The following GARRE1 variants were observed in gnomAD, a reference collection of about 807,000 sequenced individuals.
GARRE1 encodes granule associated Rac and RHOG effector 1.
A neutral mutation model predicts 103.2 loss-of-function variants in GARRE1; 49 were observed. The observed-to-expected ratio is 0.47, with a 90% CI of 0.38 to 0.60. GARRE1 has a LOEUF of 0.60. GARRE1 is among the 20% of genes least tolerant of loss of function. GARRE1 has a pLI of 0.00. For missense variants in GARRE1, 1,199 were observed against 1,370.5 expected (o/e 0.87, Z 1.98); for synonymous variants, 505 against 532.8 (o/e 0.95, Z 0.72).
chr19:34,335,060 C>A (rs549671996), intron 8 of GARRE1, among the ~76,000 whole-genome samples: 70 of 151,142 alleles, frequency 4.6e-4, no homozygotes, highest in South Asian at 3.5e-3. Flanking sequence ...AAAAAAAAAA[C>A]CGTTATGATG....
chr19:34,294,672 T>C (rs1260542347), intron 1 of GARRE1, among the ~76,000 whole-genome samples: 1 of 152,168 alleles, frequency 6.6e-6, no homozygotes, highest in Non-Finnish European at 1.5e-5. Context: ...TTTCTTTGCA[T>C]ATCTTCCAAT....
intron 2 of GARRE1, among the ~76,000 whole-genome samples, chr19:34,307,463 T>C (rs1203116262): frequency 6.6e-6 from 1 of 151,622 alleles, no homozygotes; most frequent in African/African-American, 2.4e-5. Flanking sequence ...AGCATTTTTA[T>C]TGACTTTTCA....
intron 3 of GARRE1, among the ~76,000 whole-genome samples, chr19:34,324,259 C>CT (rs891369868): frequency 6.6e-6 from 1 of 152,168 alleles, no homozygotes; most frequent in Admixed American, 6.5e-5. Context: ...AGTTGTCTAC[C>CT]TTTTTTTCAC....
intron 1 of GARRE1, 133 bp downstream of exon 1, chr19:34,254,747 G>A (rs2073659694): frequency 6.8e-6 from 1 of 148,082 alleles, no homozygotes; most frequent in Admixed American, 6.7e-5. Flanking sequence ...CTCCGCTCGG[G>A]GCCGCAGGGC....
chr19:34,278,444 C>CAAAAAAAAAAAAAAAAA (rs71165640), intron 1 of GARRE1, among the ~76,000 whole-genome samples: 1 of 57,102 alleles, frequency 1.8e-5, no homozygotes, highest in African/African-American at 6.8e-5. Context: ...GACTCCATCT[C>CAAAAAAAAAAAAAAAAA]AAAAAAAAAA....
chr19:34,337,197 A>G (rs565952728), intron 8 of GARRE1, among the ~76,000 whole-genome samples: 1 of 152,154 alleles, frequency 6.6e-6, no homozygotes, highest in South Asian at 2.1e-4. Flanking sequence ...CTGAACACTT[A>G]CTGTGTACCA....
chr19:34,352,588 G>A, intron 13 of GARRE1, 59 bp from the exon 14 acceptor site: 1 of 1,411,382 alleles, frequency 7.1e-7, no homozygotes, highest in Non-Finnish European at 9.9e-7. Flanking sequence ...CATCTGGGGA[G>A]GTGGGAAATG....
At chr19:34,263,744 C>T (rs948417759) in intron 1 of GARRE1, among the ~76,000 whole-genome samples, 1 of 152,194 alleles carries the variant, frequency 6.6e-6, no homozygotes, top group African/African-American at 2.4e-5. Flanking sequence ...ACCTCGGCCT[C>T]CCAAAGTGCT....
chr19:34,311,652 CCAGGCTGGAGTA>C (rs1243007969), intron 2 of GARRE1, among the ~76,000 whole-genome samples: 4 of 152,138 alleles, frequency 2.6e-5, no homozygotes, highest in Non-Finnish European at 5.9e-5. Context: ...CTCTTGTTGT[CCAGGCTGGAGTA>C]CAGTGGTGCG....
intron 8 of GARRE1, among the ~76,000 whole-genome samples, chr19:34,338,208 A>G (rs758853969): frequency 2.0e-5 from 3 of 152,184 alleles, no homozygotes; most frequent in Non-Finnish European, 2.9e-5. Context: ...TCTTCCTAGT[A>G]GACCTATGCT....
Position 34,255,172 on chromosome 19 carries a change from T to G in GARRE1, c.-796+558T>G, listed in dbSNP as rs953898995. Among the ~76,000 whole-genome samples the G allele has an allele frequency of 6.4e-5, 4 of 62,424 alleles. No individual in the cohort carries two copies. The Admixed American group carries it at 7.2e-4, about 11-fold the overall frequency. The allele number at this position is 62,424 out of a possible 152,430, so 41.0% of individuals were successfully genotyped here. A position where few individuals can be genotyped will look rare whatever the true frequency, so the allele number is the denominator to read the frequency against. On this transcript the variant is annotated intron_variant, in intron 1 of 13. Transcript: ENST00000299505. Reference sequence around the variant, plus strand: ...CGGCCCTGCGGAGCCAGCTGGCGCATTGGGCCCGAGGGGAGGGTCCGCGGG... The same window carrying G: ...CGGCCCTGCGGAGCCAGCTGGCGCAGTGGGCCCGAGGGGAGGGTCCGCGGG...
rs759244535 is a variant in GARRE1, at chr19:34,262,538, C to T, written c.-796+7924C>T. Among the ~76,000 whole-genome samples the T allele has an allele frequency of 1.3e-3, 201 of 152,048 alleles. 1 individual carries two copies. The highest frequency in any genetic ancestry group is 4.4e-4 in the Non-Finnish European group (30 of 67,980). ...CTGGAACTCCTGACCTCAGGTGATC[C>T]GCCTGCCTTGGCCTCCCAAGGTGCT... On this transcript the variant is annotated intron_variant, in intron 1 of 13. Transcript: ENST00000299505.
At chr19:34,347,793 T>C in intron 10 of GARRE1, 84 bp from the exon 11 acceptor site, 1 of 1,290,090 alleles carries the variant, frequency 7.8e-7, no homozygotes. Flanking sequence ...ATTGCATGTG[T>C]GACCAGCACG....
chr19:34,272,641 A>G (rs1236862842), intron 1 of GARRE1, among the ~76,000 whole-genome samples: 1 of 152,182 alleles, frequency 6.6e-6, no homozygotes. Context: ...GTCACTTTTC[A>G]TTGCTCCAGC....
intron 9 of GARRE1, among the ~76,000 whole-genome samples, chr19:34,340,404 G>C (rs556132457): frequency 6.7e-6 from 1 of 148,666 alleles, no homozygotes; most frequent in Admixed American, 6.9e-5. Flanking sequence ...ACATCTGGTA[G>C]TGGCCTTAAA....
At chr19:34,281,465 AT>A (rs1032227146) in intron 1 of GARRE1, among the ~76,000 whole-genome samples, 2 of 152,056 alleles carry the variant, frequency 1.3e-5, no homozygotes, top group African/African-American at 4.8e-5. Flanking sequence ...TAATTTTTGT[AT>A]TTTTAGTAGA....
At chr19:34,295,556 G>T (rs537382772) in intron 1 of GARRE1, among the ~76,000 whole-genome samples, 1 of 126,372 alleles carries the variant, frequency 7.9e-6, no homozygotes, top group Middle Eastern at 3.5e-3. Context: ...TCGAGACAGG[G>T]TCTTGTTTTG....
chr19:34,275,600 C>CTTTTGTTTG (rs2073812427), intron 1 of GARRE1, among the ~76,000 whole-genome samples: 1 of 152,116 alleles, frequency 6.6e-6, no homozygotes, highest in East Asian at 1.9e-4. Flanking sequence ...TACAGTTATA[C>CTTTTGTTTG]TACATTTTGT....
chr19:34,307,718 CTATA>C (rs1568538104), intron 2 of GARRE1, among the ~76,000 whole-genome samples: 1 of 121,420 alleles, frequency 8.2e-6, no homozygotes, highest in Non-Finnish European at 1.7e-5. Flanking sequence ...TATATATATA[CTATA>C]TATACATATA....
Sources: allele counts gnomAD v4.1 joint callset (sites outside exome capture counted in the v4.1 genomes callset), GRCh38; gene constraint gnomAD v4.1.1; transcripts MANE v1.5; gene names NCBI Gene and HGNC (gene_info 2026-07-23, HGNC 2026-07-21).